The following PTPRF variants were observed in gnomAD, a reference collection of about 807,000 sequenced individuals.
PTPRF encodes the protein protein tyrosine phosphatase receptor type F.
Under a neutral mutation model 201.8 loss-of-function variants are expected in PTPRF, and 59 were observed. That is an observed-to-expected ratio of 0.29 (90% CI 0.24 to 0.36). The LOEUF is 0.36. PTPRF is among the 10% of genes least tolerant of loss of function. PTPRF has a pLI of 1.00. For missense variants in PTPRF, 2,132 were observed against 2,690.5 expected (o/e 0.79, Z 4.59); for synonymous variants, 1,088 against 1,089.7 (o/e 1.00, Z 0.03).
At position 43,553,638 on chromosome 1, in the gene PTPRF, G is replaced by T; in HGVS notation, c.237+1G>T. 1 of 1,614,108 alleles carries T rather than the reference G, an allele frequency of 6.2e-7. No homozygotes were observed. On this transcript the variant is annotated splice_donor_variant, in intron 4 of 33. Transcript: ENST00000359947. LOFTEE classifies it high-confidence loss of function. This position sits in a 1 kb window ranked among gnomAD's most constrained non-coding sequence, Gnocchi z 4.1. ...GAAAGTCAGCTCCCAGCGCTTCGAG[G>T]TGCGTCTGTGGTGGGAAGGGGTCGG...
chr1:43,573,188 G>A (rs928195548), intron 6 of PTPRF, among the ~76,000 whole-genome samples: 7 of 152,154 alleles, frequency 4.6e-5, no homozygotes, highest in Non-Finnish European at 8.8e-5. Flanking sequence ...GTAGGCCCAG[G>A]AGGAACAGGA....
chr1:43,605,165 TG>T, intron 17 of PTPRF, 24 bp from the exon 18 acceptor site: 1 of 1,581,638 alleles, frequency 6.3e-7, no homozygotes, highest in Non-Finnish European at 8.6e-7. Context: ...CCAAAGGCAT[TG>T]ATTGCCCCTC....
chr1:43,588,000 C>T (rs1284506416), intron 7 of PTPRF, among the ~76,000 whole-genome samples: 1 of 152,174 alleles, frequency 6.6e-6, no homozygotes, highest in Non-Finnish European at 1.5e-5. Flanking sequence ...GCGCAGGAAG[C>T]CGTCTGTTCG....
At chr1:43,530,093 G>A (rs143579223), upstream of PTPRF, among the ~76,000 whole-genome samples, 1 of 152,104 alleles carries the variant, frequency 6.6e-6, no homozygotes, top group Non-Finnish European at 1.5e-5. The surrounding 1 kb of genome is among the most constrained non-coding windows in gnomAD (Gnocchi z 4.1). Flanking sequence ...TTAAAGCTGG[G>A]TTGGTTTAGG....
intron 5 of PTPRF, among the ~76,000 whole-genome samples, chr1:43,561,211 A>G (rs1312488938): frequency 6.6e-6 from 1 of 152,110 alleles, no homozygotes; most frequent in East Asian, 1.9e-4. Context: ...CCCTGTCCTG[A>G]GGTATCCTGG....
Position 43,553,842 on chromosome 1 carries a change from C to G in PTPRF, c.280C>G (p.Gln94Glu). 2 of 1,614,178 alleles carry G rather than the reference C, an allele frequency of 1.2e-6. No individual in the cohort carries two copies. Among genetic ancestry groups the G allele is most frequent in the Non-Finnish European group, 1.7e-6 (2 of 1,180,036 alleles). ...TGGGGCAGGGTCAGTGCTTCGGATC[C>G]AGCCATTGCGGGTGCAGCGAGATGA... ...DDGAGSVLRI[Q>E]PLRVQRDEAI... is the part of the protein sequence containing the mutation. Residue 94 changes from glutamine (Q) to glutamate (E), a missense_variant, in exon 5 of 34, where the codon CAG becomes GAG. Around this residue, in one of 6 missense-constraint regions of PTPRF, gnomAD observed 297 missense variants for 454.0 expected, o/e 0.65. Transcript: ENST00000359947. This position sits in a 1 kb window ranked among gnomAD's most constrained non-coding sequence, Gnocchi z 4.1.
intron 11 of PTPRF, among the ~76,000 whole-genome samples, chr1:43,593,556 G>T (rs1557799786): frequency 6.6e-6 from 1 of 151,452 alleles, no homozygotes; most frequent in Non-Finnish European, 1.5e-5. Context: ...TTGAGATGGT[G>T]ACCACATCTG....
rs1644075629 is a variant in PTPRF, at chr1:43,537,210, G to A, written c.-125-988G>A. ...TCTGACCCCCACCCCCACCCAGGAT[G>A]GTACCCACGCTGGTGGGGACTCAAT... On this transcript the variant is annotated intron_variant, in intron 1 of 33. Coordinates refer to ENST00000359947, the MANE Select transcript of PTPRF (RefSeq NM_002840.5). The surrounding 1 kb of genome is among the most constrained non-coding windows in gnomAD (Gnocchi z 4.8). Among the ~76,000 whole-genome samples, 1 of 152,206 alleles carries A rather than the reference G, an allele frequency of 6.6e-6. No homozygotes were observed. Among genetic ancestry groups the A allele is most frequent in the Admixed American group, 6.5e-5 (1 of 15,286 alleles).
upstream of PTPRF, among the ~76,000 whole-genome samples, chr1:43,522,335 C>T (rs1269853775): frequency 6.6e-6 from 1 of 152,126 alleles, no homozygotes; most frequent in Non-Finnish European, 1.5e-5. Context: ...GAAAGAGTAA[C>T]TCTCCCCTGC....
At chr1:43,597,033 A>C (rs1652442945) in intron 11 of PTPRF, among the ~76,000 whole-genome samples, 1 of 151,912 alleles carries the variant, frequency 6.6e-6, no homozygotes, top group Non-Finnish European at 1.5e-5. Context: ...AAGACAGTAT[A>C]TGTGCGAGAC....
At chr1:43,523,439 G>A (rs547339114), upstream of PTPRF, among the ~76,000 whole-genome samples, 19 of 152,296 alleles carry the variant, frequency 1.2e-4, no homozygotes, top group African/African-American at 4.6e-4. Context: ...AGGAGCACTT[G>A]ATGGATTGAG....
At chr1:43,573,974 GTTCTTTTTTTTTTTTTTTTTTT>G in intron 6 of PTPRF, among the ~76,000 whole-genome samples, 1 of 96,382 alleles carries the variant, frequency 1.0e-5, no homozygotes, top group East Asian at 3.4e-4. Context: ...GCTTGTGTGG[GTTCTTTTTTTTTTTTTTTTTTT>G]TTTTTTTTTT....
At position 43,619,203 on chromosome 1, in the gene PTPRF, G is replaced by A; in HGVS notation, c.4646+1G>A. The A allele has an allele frequency of 6.4e-7, 1 of 1,550,450 alleles. No homozygotes were observed. The highest frequency in any genetic ancestry group is 1.7e-4 in the Middle Eastern group (1 of 5,774). On this transcript the variant is annotated splice_donor_variant, in intron 27 of 33. Transcript: ENST00000359947. LOFTEE classifies it high-confidence loss of function. ...CAGGGCCCATGGTGGTGCACTGCAG[G>A]TGAGAGGGTACAGTGCCACCCAGAG...
Position 43,603,817 on chromosome 1 carries a change from A to G in PTPRF, c.2665A>G (p.Ile889Val), listed in dbSNP as rs759047074. ...CGGCCTGCACAAGGGGACCACCTACATCTTCCGGCTTGCTGCCAAGAACCG... is the reference window on the plus strand; with the variant it reads ...CGGCCTGCACAAGGGGACCACCTACGTCTTCCGGCTTGCTGCCAAGAACCG... ...VTGLHKGTTYIFRLAAKNRAG... is the reference protein window; with the variant it reads ...VTGLHKGTTYVFRLAAKNRAG... Residue 889 changes from isoleucine (I) to valine (V), a missense_variant, in exon 16 of 34, where the codon ATC becomes GTC. Transcript: ENST00000359947. The surrounding 1 kb of genome is among the most constrained non-coding windows in gnomAD (Gnocchi z 5.8). 6.2e-7 allele frequency: 1 copy of G among 1,613,958 alleles called. No homozygotes were observed. Among genetic ancestry groups the G allele is most frequent in the African/African-American group, 1.3e-5 (1 of 74,912 alleles).
At chr1:43,589,687 A>C (rs1650111871) in intron 8 of PTPRF, among the ~76,000 whole-genome samples, 1 of 123,914 alleles carries the variant, frequency 8.1e-6, no homozygotes, top group African/African-American at 3.2e-5. Context: ...TGAGACCCCC[A>C]TCTCTACGAA....
At position 43,606,674 on chromosome 1, in the gene PTPRF, C is replaced by A. The variant is rs1470761374; in HGVS notation, c.3703-140C>A. On this transcript the variant is annotated intron_variant, in intron 20 of 33. Transcript: ENST00000359947. Reference sequence around the variant, plus strand: ...CTAATGTGGCTCCAGGGACCCAGTCCTGCCAGGTCCACCTTGTAGGGTCTG... The same window carrying A: ...CTAATGTGGCTCCAGGGACCCAGTCATGCCAGGTCCACCTTGTAGGGTCTG... 3 of 1,279,144 alleles carry A rather than the reference C, an allele frequency of 2.3e-6. No individual in the cohort carries two copies. In the East Asian group the frequency reaches 7.0e-5, roughly 30 times the overall value. The allele number at this position is 1,279,144 out of a possible 1,614,324, so 79.2% of individuals were successfully genotyped here. A position where few individuals can be genotyped will look rare whatever the true frequency, so the allele number is the denominator to read the frequency against.
At chr1:43,572,865 G>A (rs1646667565) in intron 6 of PTPRF, among the ~76,000 whole-genome samples, 1 of 152,090 alleles carries the variant, frequency 6.6e-6, no homozygotes, top group Admixed American at 6.5e-5. Flanking sequence ...ATCACCTCAG[G>A]ACCTAGTATC....
intron 3 of PTPRF, among the ~76,000 whole-genome samples, chr1:43,547,535 T>G (rs987886521): frequency 6.6e-6 from 1 of 152,194 alleles, no homozygotes; most frequent in East Asian, 1.9e-4. Context: ...GAGGCAGGGC[T>G]CAGGCTGAGC....
rs146269145 is a variant in PTPRF at position 43,556,598 on chromosome 1, T to C, written c.379+2657T>C. Among the ~76,000 whole-genome samples, 351 of 152,336 alleles carry C rather than the reference T, an allele frequency of 2.3e-3. 1 individual carries two copies. Among genetic ancestry groups the C allele is most frequent in the African/African-American group, 7.9e-3 (329 of 41,586 alleles). ...GTGTCTTGTATGAGTCCGTGGGCTCTACAAGCTTAGAGGAGCCATAGAGGA... is the reference window on the plus strand; with the variant it reads ...GTGTCTTGTATGAGTCCGTGGGCTCCACAAGCTTAGAGGAGCCATAGAGGA... On this transcript the variant is annotated intron_variant, in intron 5 of 33. Transcript: ENST00000359947.
Sources: gnomAD v4.1 joint callset for allele counts (sites outside exome capture counted in the v4.1 genomes callset) on GRCh38, gnomAD v4.1.1 for gene constraint, gnomAD v4.1.1 regional missense constraint, Gnocchi (gnomAD v3.1) non-coding constraint, MANE v1.5 for transcripts, NCBI Gene and HGNC (gene_info 2026-07-23, HGNC 2026-07-21) for gene names.